Variants in PDE4C observed in about 807,000 individuals in gnomAD.
PDE4C encodes phosphodiesterase 4C.
In PDE4C, 50 loss-of-function variants were observed where a neutral mutation model predicts 63.9. The ratio of observed to expected loss-of-function variants is 0.78; its 90% CI spans 0.62 to 0.99. PDE4C has a LOEUF of 0.99. Among genes scored for constraint, PDE4C ranks in the 50% least tolerant of loss-of-function variants. PDE4C has a pLI of 0.00. For synonymous variants in PDE4C, 377 were observed against 385.1 expected (o/e 0.98, Z 0.25); for missense variants, 777 against 899.1 (o/e 0.86, Z 1.74).
At position 18,220,887 on chromosome 19, in the gene PDE4C, C is replaced by G; in HGVS notation, c.486G>C (p.Gln162His). The change falls in exon 5 of 15, where the codon CAG (glutamine) becomes CAC (histidine). Residue 162 changes from glutamine to histidine, a missense_variant. Around this residue, in one of 3 missense-constraint regions of PDE4C, gnomAD observed 249 missense variants for 247.8 expected, o/e 1.00. Transcript: ENST00000262805. The surrounding 1 kb of genome is among the most constrained non-coding windows in gnomAD (Gnocchi z 5.1). Reference sequence around the variant, plus strand: ...CAGGTACTTTACCTGCAGGAGGGAGCTGATTGCTGGATGAAGGGTTTCCGA... The same window carrying G: ...CAGGTACTTTACCTGCAGGAGGGAGGTGATTGCTGGATGAAGGGTTTCCGA... The G allele has an allele frequency of 6.2e-7, 1 of 1,608,700 alleles. No individual in the cohort carries two copies. The highest frequency in any genetic ancestry group is 8.5e-7 in the Non-Finnish European group (1 of 1,178,416).
chr19:18,231,231 T>C (rs1427416749), upstream of PDE4C, among the ~76,000 whole-genome samples: 1 of 152,138 alleles, frequency 6.6e-6, no homozygotes, highest in Non-Finnish European at 1.5e-5. Context: ...ACATGCATGC[T>C]CATCCACGTA....
intron 1 of PDE4C, chr19:18,224,331 G>A: frequency 1.0e-6 from 1 of 985,494 alleles, no homozygotes; most frequent in Non-Finnish European, 1.2e-6. Flanking sequence ...GAGGGCCAGT[G>A]TCCGGCTGGT....
At chr19:18,236,193 T>C (rs1165452989), upstream of PDE4C, among the ~76,000 whole-genome samples, 1 of 152,084 alleles carries the variant, frequency 6.6e-6, no homozygotes, top group Non-Finnish European at 1.5e-5. Flanking sequence ...TCCACCCACC[T>C]TGGCCTCCCA....
chr19:18,208,011 T>C (rs1028509923), downstream of PDE4C: 1 of 152,248 alleles, frequency 6.6e-6, no homozygotes, highest in Non-Finnish European at 1.5e-5. Flanking sequence ...ATTTCCATTA[T>C]TTCCAAATTT....
upstream of PDE4C, among the ~76,000 whole-genome samples, chr19:18,235,703 C>T (rs1356062922): frequency 6.6e-6 from 1 of 152,042 alleles, no homozygotes; most frequent in Non-Finnish European, 1.5e-5. Flanking sequence ...GGAAGACACA[C>T]CTCTCACTCT....
chr19:18,241,573 G>A (rs1026936173), intron 1 of PDE4C, among the ~76,000 whole-genome samples: 1 of 150,794 alleles, frequency 6.6e-6, no homozygotes, highest in African/African-American at 2.4e-5. Flanking sequence ...GGCCAAGACA[G>A]GGTCTTTCTC....
At chr19:18,244,014 C>T (rs1264139271) in intron 1 of PDE4C, among the ~76,000 whole-genome samples, 1 of 152,030 alleles carries the variant, frequency 6.6e-6, no homozygotes, top group Non-Finnish European at 1.5e-5. Flanking sequence ...ACCACGATGC[C>T]AGGCTAATCT....
chr19:18,226,499 A>G (rs1320091511), upstream of PDE4C: 4 of 1,047,688 alleles, frequency 3.8e-6, no homozygotes, highest in Non-Finnish European at 4.9e-6. Flanking sequence ...CCCAGCGGGG[A>G]GGGGGCAAAG....
At chr19:18,213,527 C>T (rs551822582) in intron 12 of PDE4C, 37 bp from the exon 13 acceptor site, 6 of 1,589,420 alleles carry the variant, frequency 3.8e-6, no homozygotes, top group Non-Finnish European at 5.1e-6. Context: ...GGCGCGAGGA[C>T]CCTGCCCACC....
At chr19:18,234,913 C>T (rs1306751051), upstream of PDE4C, among the ~76,000 whole-genome samples, 1 of 152,194 alleles carries the variant, frequency 6.6e-6, no homozygotes, top group Non-Finnish European at 1.5e-5. Context: ...CCCCCCACCA[C>T]TCCCAAGAAC....
intron 1 of PDE4C, among the ~76,000 whole-genome samples, chr19:18,245,246 C>T (rs1045695454): frequency 6.6e-5 from 10 of 152,068 alleles, no homozygotes; most frequent in Non-Finnish European, 1.2e-4. Flanking sequence ...TCACTGCAAC[C>T]TCCACCTCCT....
At chr19:18,210,767 A>G (rs1051970059) in exon 15 of PDE4C, 46 of 1,303,202 alleles carry the variant, frequency 3.5e-5, no homozygotes, top group South Asian at 7.3e-5. Flanking sequence ...GGTGCCTCCA[A>G]TTAGACCCTG....
intron 13 of PDE4C, among the ~76,000 whole-genome samples, chr19:18,212,357 T>C (rs1337803948): frequency 2.0e-5 from 3 of 151,992 alleles, no homozygotes; most frequent in Non-Finnish European, 2.9e-5. Flanking sequence ...CTAATTTTTG[T>C]ATTTTTGTAG....
the PDE4C span, among the ~76,000 whole-genome samples, chr19:18,254,743 G>T: frequency 3.9e-5 from 6 of 152,228 alleles, no homozygotes; most frequent in Middle Eastern, 3.4e-3. Context: ...GAAGCTCAAG[G>T]CTCCTCCCCT....
intron 7 of PDE4C, chr19:18,219,700 T>C (rs911684916): frequency 8.2e-5 from 24 of 293,552 alleles, no homozygotes; most frequent in Non-Finnish European, 1.4e-4. Context: ...GGCAGGCACC[T>C]GTAACCCCAG....
At chr19:18,208,673 T>A (rs1355603263), downstream of PDE4C, 2 of 152,180 alleles carry the variant, frequency 1.3e-5, no homozygotes, top group Non-Finnish European at 2.9e-5. Context: ...AAGATTTTAT[T>A]TAACCCCAGA....
chr19:18,235,592 A>T (rs998487475), upstream of PDE4C, among the ~76,000 whole-genome samples: 10 of 152,032 alleles, frequency 6.6e-5, no homozygotes, highest in Non-Finnish European at 1.5e-4. Flanking sequence ...CCTCCTTCCT[A>T]GTCTCCTTGG....
chr19:18,233,091 C>G, exon 1 of PDE4C: 1 of 1,570,734 alleles, frequency 6.4e-7, no homozygotes, highest in South Asian at 1.2e-5. Context: ...CCGGGGTTGC[C>G]GCCACAGGTG....
At chr19:18,243,134 T>A (rs1365061708) in intron 1 of PDE4C, among the ~76,000 whole-genome samples, 1 of 151,828 alleles carries the variant, frequency 6.6e-6, no homozygotes, top group Non-Finnish European at 1.5e-5. Context: ...CGAGACAGAG[T>A]TTCGCTCTTG....
Sources: allele counts gnomAD v4.1 joint callset (sites outside exome capture counted in the v4.1 genomes callset), GRCh38; gene constraint gnomAD v4.1.1; regional missense constraint gnomAD v4.1.1; non-coding constraint Gnocchi (gnomAD v3.1); transcripts MANE v1.5; gene names NCBI Gene and HGNC (gene_info 2026-07-23, HGNC 2026-07-21).